GRM7: variants seen among roughly 807,000 people sequenced by gnomAD.
GRM7 encodes the protein glutamate metabotropic receptor 7, also known as metabotropic glutamate receptor 7.
GRM7 carries 35 observed loss-of-function variants against 84.5 expected under a neutral mutation model. The observed-to-expected ratio is 0.41, with a 90% confidence interval of 0.32 to 0.55. The LOEUF (loss-of-function observed/expected upper bound fraction) is 0.55, where lower values mean the gene tolerates loss of function less well. Ranked by LOEUF, GRM7 falls within the 20% of genes least tolerant of loss-of-function variation. The pLI is 0.19. For synonymous variants in GRM7, 487 were observed against 455.1 expected, an observed-to-expected ratio of 1.07 and a Z score of -0.89; for missense variants, 1,003 against 1,194.6, an observed-to-expected ratio of 0.84 and a Z score of 2.36.
chr3:7,624,065 G>A (rs1697492223), intron 8 of GRM7, among the ~76,000 whole-genome samples: 1 of 152,114 alleles, frequency 6.6e-6, no homozygotes, highest in African/African-American at 2.4e-5. Flanking sequence ...TCACTAAAAC[G>A]CATTGAACTT....
intron 1 of GRM7, among the ~76,000 whole-genome samples, chr3:6,939,041 T>TTTTATATG: frequency 6.6e-6 from 1 of 152,268 alleles, no homozygotes; most frequent in South Asian, 2.1e-4. Flanking sequence ...ACTGCTAGAG[T>TTTTATATG]TTTATATGTT....
chr3:7,561,579 C>T (rs1403401755), intron 7 of GRM7: 6 of 456,256 alleles, frequency 1.3e-5, no homozygotes, highest in Non-Finnish European at 2.6e-5. Flanking sequence ...GTAGTGTAAG[C>T]ATATTTTTGT....
chr3:6,913,156 T>C (rs188287145), intron 1 of GRM7, among the ~76,000 whole-genome samples: 69 of 152,326 alleles, frequency 4.5e-4, no homozygotes, highest in Admixed American at 1.2e-3. Context: ...ATTTATCTTT[T>C]AATATATGTA....
intron 4 of GRM7, among the ~76,000 whole-genome samples, chr3:7,384,154 G>A (rs1694696575): frequency 6.6e-6 from 1 of 152,088 alleles, no homozygotes; most frequent in Admixed American, 6.6e-5. Context: ...TCAGCCTCCT[G>A]AGTAGCTGGG....
At chr3:6,981,286 G>A (rs951940137) in intron 1 of GRM7, among the ~76,000 whole-genome samples, 4 of 152,178 alleles carry the variant, frequency 2.6e-5, no homozygotes, top group Non-Finnish European at 5.9e-5. Context: ...TACACGCACT[G>A]TCTAAAATTA....
intron 4 of GRM7, among the ~76,000 whole-genome samples, chr3:7,332,755 A>C (rs961951401): frequency 2.6e-5 from 4 of 152,186 alleles, no homozygotes; most frequent in Admixed American, 6.5e-5. Context: ...TGAAAGAAAC[A>C]GCTTACTGCT....
At chr3:7,105,257 C>T (rs1476330976) in intron 1 of GRM7, among the ~76,000 whole-genome samples, 1 of 151,576 alleles carries the variant, frequency 6.6e-6, no homozygotes, top group East Asian at 1.9e-4. Flanking sequence ...AATGTTGACC[C>T]AGAACAATCC....
rs138847535 is a variant in GRM7, at chr3:7,310,916, C to T, written c.1033+4264C>T. 2.2e-3 allele frequency among the ~76,000 whole-genome samples: 335 copies of T among 152,208 alleles called. 2 individuals are homozygous for T. Among genetic ancestry groups the T allele is most frequent in the African/African-American group, 7.8e-3 (323 of 41,532 alleles). On this transcript the variant is annotated intron_variant, in intron 4 of 9. Transcript: ENST00000357716. ...ATGAGATCTCTGCATTCTCTGAGCCCCATTATAAGTCTCATCTACCCTTCC... is the reference window on the plus strand; with the variant it reads ...ATGAGATCTCTGCATTCTCTGAGCCTCATTATAAGTCTCATCTACCCTTCC...
intron 1 of GRM7, among the ~76,000 whole-genome samples, chr3:6,964,153 A>G (rs565786516): frequency 2.0e-5 from 3 of 152,312 alleles, no homozygotes; most frequent in African/African-American, 7.2e-5. Context: ...TGACGCTGTT[A>G]AATATCTCTC....
chr3:7,544,248 G>A (rs770505083), intron 7 of GRM7, among the ~76,000 whole-genome samples: 2 of 152,140 alleles, frequency 1.3e-5, no homozygotes, highest in Non-Finnish European at 2.9e-5. Context: ...CTGCAGACTC[G>A]AACTCCGGGG....
intron 1 of GRM7, among the ~76,000 whole-genome samples, chr3:6,951,515 A>G (rs1183011234): frequency 1.3e-5 from 2 of 152,106 alleles, no homozygotes; most frequent in African/African-American, 2.4e-5. Context: ...AACAGTTTTA[A>G]TTTCCCTTGT....
intron 1 of GRM7, among the ~76,000 whole-genome samples, chr3:6,876,930 A>G (rs1423071649): frequency 6.6e-6 from 1 of 152,130 alleles, no homozygotes; most frequent in Admixed American, 6.5e-5. Context: ...GTGTAACCCT[A>G]CGAAGGTGAC....
At chr3:6,997,109 G>T (rs571936827) in intron 1 of GRM7, among the ~76,000 whole-genome samples, 6 of 152,006 alleles carry the variant, frequency 3.9e-5, no homozygotes, top group African/African-American at 1.4e-4. Flanking sequence ...ATATGGATAC[G>T]CTGAATTAAT....
intron 9 of GRM7, among the ~76,000 whole-genome samples, chr3:7,735,891 G>A (rs985900036): frequency 2.0e-5 from 3 of 152,130 alleles, no homozygotes; most frequent in Middle Eastern, 3.2e-3. Context: ...AGTATCTCAG[G>A]TCTAGATCTA....
chr3:7,502,690 A>G (rs1166643788), intron 7 of GRM7, among the ~76,000 whole-genome samples: 1 of 152,084 alleles, frequency 6.6e-6, no homozygotes, highest in East Asian at 1.9e-4. Context: ...GTCCTGAGAA[A>G]CTCAGAGAAA....
At chr3:7,237,960 A>G (rs970455325) in intron 2 of GRM7, among the ~76,000 whole-genome samples, 2 of 152,138 alleles carry the variant, frequency 1.3e-5, no homozygotes, top group African/African-American at 4.8e-5. Context: ...CTAGACACAG[A>G]GTGCTGATTG....
intron 7 of GRM7, among the ~76,000 whole-genome samples, chr3:7,547,204 T>TG (rs1693199653): frequency 4.0e-5 from 4 of 100,976 alleles, no homozygotes; most frequent in Admixed American, 1.1e-4. Context: ...CTTTTTTTTT[T>TG]TTTTTTTTTT....
rs114703005 is a variant in GRM7 at position 7,557,163 on chromosome 3, A to G, written c.1516-21259A>G. ...GGATCAGAATGGAGGGTCTTCCAAGACTCTGGGCCTGCCTTAGGAATCCAC... is the reference window on the plus strand; with the variant it reads ...GGATCAGAATGGAGGGTCTTCCAAGGCTCTGGGCCTGCCTTAGGAATCCAC... On this transcript the variant is annotated intron_variant, in intron 7 of 9. Coordinates refer to ENST00000357716, the MANE Select transcript of GRM7 (RefSeq NM_000844.4). Among the ~76,000 whole-genome samples the G allele has an allele frequency of 1.9e-3, 289 of 152,082 alleles. 1 individual carries two copies. Among genetic ancestry groups the G allele is most frequent in the African/African-American group, 6.4e-3 (267 of 41,488 alleles).
At chr3:7,182,388 T>C (rs527452428) in intron 2 of GRM7, among the ~76,000 whole-genome samples, 20 of 152,344 alleles carry the variant, frequency 1.3e-4, no homozygotes, top group African/African-American at 3.4e-4. Context: ...TGATATCTTA[T>C]GGATATTTTT....
Sources: gnomAD v4.1 joint callset for allele counts (sites outside exome capture counted in the v4.1 genomes callset) on GRCh38, gnomAD v4.1.1 for gene constraint, MANE v1.5 for transcripts, NCBI Gene and HGNC (gene_info 2026-07-23, HGNC 2026-07-21) for gene names.